PKHD1: variants seen among roughly 807,000 people sequenced by gnomAD.
PKHD1 encodes fibrocystin.
Under a neutral mutation model 412.0 loss-of-function variants are expected in PKHD1, and 291 were observed. The ratio of observed to expected loss-of-function variants is 0.71; its 90% CI spans 0.64 to 0.78. The LOEUF (loss-of-function observed/expected upper bound fraction) is 0.78, where lower values mean the gene tolerates loss of function less well. PKHD1 is among the 30% of genes least tolerant of loss of function. The pLI is 0.00. For synonymous variants in PKHD1, 1,777 were observed against 1,821.5 expected, an observed-to-expected ratio of 0.98 and a Z score of 0.62; for missense variants, 4,825 against 4,950.7, an observed-to-expected ratio of 0.97 and a Z score of 0.76.
chr6:51,683,080 T>C (rs1776917489), intron 60 of PKHD1, among the ~76,000 whole-genome samples: 1 of 152,024 alleles, frequency 6.6e-6, no homozygotes, highest in South Asian at 2.1e-4. Flanking sequence ...ATCAACCAGA[T>C]ACCATTTAGT....
chr6:52,087,099 T>A (rs1284062203), intron 1 of PKHD1, among the ~76,000 whole-genome samples: 1 of 152,256 alleles, frequency 6.6e-6, no homozygotes, highest in Non-Finnish European at 1.5e-5. Context: ...CAATTATAAA[T>A]GTAATTTTTT....
intron 53 of PKHD1, among the ~76,000 whole-genome samples, chr6:51,782,499 G>A (rs1186314470): frequency 1.3e-5 from 2 of 152,082 alleles, no homozygotes; most frequent in Non-Finnish European, 2.9e-5. Flanking sequence ...TGGTTAAATG[G>A]AGCAAATGGT....
intron 64 of PKHD1, among the ~76,000 whole-genome samples, chr6:51,636,629 C>T (rs1768612476): frequency 6.6e-6 from 1 of 152,014 alleles, no homozygotes; most frequent in Non-Finnish European, 1.5e-5. Flanking sequence ...TAAAACAATG[C>T]TTATCAGACC....
intron 60 of PKHD1, among the ~76,000 whole-genome samples, chr6:51,722,802 T>A (rs1245743895): frequency 6.6e-6 from 1 of 152,156 alleles, no homozygotes; most frequent in Non-Finnish European, 1.5e-5. Context: ...TGGAATCAGC[T>A]GTAAGTTCCA....
intron 48 of PKHD1, among the ~76,000 whole-genome samples, chr6:51,866,977 C>G (rs1775171806): frequency 6.6e-6 from 1 of 152,096 alleles, no homozygotes; most frequent in African/African-American, 2.4e-5. Context: ...CAGTGCATCG[C>G]TAAGGCTTCT....
intron 52 of PKHD1, among the ~76,000 whole-genome samples, chr6:51,802,077 T>C (rs1307854895): frequency 1.3e-5 from 2 of 152,130 alleles, no homozygotes; most frequent in Admixed American, 6.6e-5. Context: ...ATCTGTGCCT[T>C]CTCTCATCCC....
rs752357754 is a variant in PKHD1 at position 52,073,498 on chromosome 6, C to T, written c.492G>A (p.Leu164=). 2 of 1,609,854 alleles carry T rather than the reference C, an allele frequency of 1.2e-6. No homozygotes were observed. Among genetic ancestry groups the T allele is most frequent in the Non-Finnish European group, 1.7e-6 (2 of 1,176,170 alleles). Residue 164 remains leucine, a synonymous_variant, in exon 7 of 67, where the codon TTG becomes TTA. Transcript: ENST00000371117. ...ACTCAGCATCAAAATCAAAAGTTTC[C>T]AATCTTCCAGTGATAATCCAGCCAT... The part of the protein sequence containing the change: ...HVYGWIITGR[L]ETFDFDAEYI...
At chr6:51,883,313 T>A in intron 45 of PKHD1, 86 bp from the exon 46 acceptor site, 5 of 1,203,008 alleles carry the variant, frequency 4.2e-6, no homozygotes, top group Non-Finnish European at 6.1e-6. Flanking sequence ...ATTGATTAAG[T>A]AGAAAGAAGC....
chr6:51,952,786 T>C (rs143194744), intron 36 of PKHD1, among the ~76,000 whole-genome samples: 4 of 152,214 alleles, frequency 2.6e-5, no homozygotes, highest in African/African-American at 9.6e-5. Flanking sequence ...AACTTCTTCA[T>C]CAGGCCTCCC....
At chr6:51,935,143 T>C (rs1054850585) in intron 36 of PKHD1, among the ~76,000 whole-genome samples, 13 of 152,288 alleles carry the variant, frequency 8.5e-5, no homozygotes, top group African/African-American at 2.6e-4. Context: ...GGTTACCCAA[T>C]ACCTTCCCAA....
chr6:52,077,149 T>G (rs1219532678), intron 5 of PKHD1, among the ~76,000 whole-genome samples: 1 of 152,164 alleles, frequency 6.6e-6, no homozygotes, highest in African/African-American at 2.4e-5. Context: ...ACATTCGAAT[T>G]TTTGTGAATG....
intron 31 of PKHD1, among the ~76,000 whole-genome samples, chr6:52,026,607 A>G (rs2435316): frequency 0.46 from 70,012 of 152,078 alleles, 17,702 homozygotes; most frequent in Admixed American, 0.59. Flanking sequence ...TGCTAATGAA[A>G]AATCAAATTC....
At chr6:51,760,753 T>A (rs182584133) in intron 55 of PKHD1, among the ~76,000 whole-genome samples, 104 of 152,174 alleles carry the variant, frequency 6.8e-4, no homozygotes, top group Non-Finnish European at 1.3e-4. Context: ...GATAAAGGAA[T>A]AGATATAATC....
chr6:51,997,906 T>C (rs1376107477), intron 35 of PKHD1, among the ~76,000 whole-genome samples: 1 of 152,206 alleles, frequency 6.6e-6, no homozygotes, highest in African/African-American at 2.4e-5. Flanking sequence ...TTGTCATACT[T>C]GCCATCAAGA....
intron 52 of PKHD1, among the ~76,000 whole-genome samples, chr6:51,799,887 C>A (rs142416892): frequency 1.4e-3 from 218 of 152,262 alleles, no homozygotes; most frequent in Non-Finnish European, 2.5e-3. Flanking sequence ...AAGTGATGGA[C>A]CACCTCTAAT....
In PKHD1 at chr6:51,717,279, G is replaced by A. The variant is rs142585669; in HGVS notation, c.10156+27106C>T. Among the ~76,000 whole-genome samples the A allele has an allele frequency of 3.6e-3, 542 of 152,260 alleles. 2 individuals are homozygous for A. The highest frequency in any genetic ancestry group is 0.012 in the African/African-American group (515 of 41,542). On this transcript the variant is annotated intron_variant, in intron 60 of 66. Coordinates refer to ENST00000371117, the MANE Select transcript of PKHD1 (RefSeq NM_138694.4). ...AAACAAAAATTAGCTGGGCATGGTG[G>A]TGTGTGCCTGTAATCCCAGCTACTC...
At chr6:51,676,764 A>G (rs1775916941) in intron 60 of PKHD1, among the ~76,000 whole-genome samples, 1 of 152,220 alleles carries the variant, frequency 6.6e-6, no homozygotes, top group Non-Finnish European at 1.5e-5. Context: ...CAAAAGAAGT[A>G]ACTGTGATCT....
At chr6:51,646,585 C>T (rs1202306556) in intron 63 of PKHD1, among the ~76,000 whole-genome samples, 4 of 152,164 alleles carry the variant, frequency 2.6e-5, no homozygotes, top group African/African-American at 9.7e-5. Context: ...TTTGGCCCAG[C>T]AACCAGGTTG....
intron 29 of PKHD1, among the ~76,000 whole-genome samples, chr6:52,029,831 T>C (rs905033399): frequency 6.6e-6 from 1 of 152,206 alleles, no homozygotes; most frequent in Non-Finnish European, 1.5e-5. Context: ...GGATGTCTGC[T>C]TAACTCAGTG....
Sources: allele counts gnomAD v4.1 joint callset (sites outside exome capture counted in the v4.1 genomes callset), GRCh38; gene constraint gnomAD v4.1.1; transcripts MANE v1.5; gene names NCBI Gene and HGNC (gene_info 2026-07-23, HGNC 2026-07-21).